Variants in PCDHA10 observed in about 807,000 individuals in gnomAD.
PCDHA10 encodes protocadherin alpha-10.
A neutral mutation model predicts 61.2 loss-of-function variants in PCDHA10; 45 were observed. The observed-to-expected ratio is 0.74, with a 90% CI of 0.58 to 0.94. The LOEUF is 0.94. PCDHA10 is among the 40% of genes least tolerant of loss of function. The pLI, the probability that PCDHA10 is intolerant of heterozygous loss-of-function variation, is 0.00. For missense variants in PCDHA10, 1,278 were observed against 1,236.2 expected (o/e 1.03, Z -0.51); for synonymous variants, 602 against 548.8 (o/e 1.10, Z -1.35).
chr5:140,932,952 T>G (rs2088746376), intron 1 of PCDHA10, among the ~76,000 whole-genome samples: 1 of 152,008 alleles, frequency 6.6e-6, no homozygotes, highest in Non-Finnish European at 1.5e-5. Flanking sequence ...GAAGGTGGAC[T>G]AAATTGCTGA....
chr5:140,952,371 C>T (rs186648472), intron 1 of PCDHA10, among the ~76,000 whole-genome samples: 1 of 151,860 alleles, frequency 6.6e-6, no homozygotes, highest in African/African-American at 2.4e-5. Flanking sequence ...AAGAAATTTC[C>T]TCTGCCAGGT....
At chr5:140,931,947 T>C (rs782000891) in intron 1 of PCDHA10, among the ~76,000 whole-genome samples, 1 of 151,972 alleles carries the variant, frequency 6.6e-6, no homozygotes, top group Non-Finnish European at 1.5e-5. Context: ...GTCTGAGTCT[T>C]ACAGAATCAT....
chr5:140,908,442 T>A (rs2073975632), intron 1 of PCDHA10, among the ~76,000 whole-genome samples: 1 of 152,160 alleles, frequency 6.6e-6, no homozygotes, highest in Non-Finnish European at 1.5e-5. Flanking sequence ...CACCCCACTT[T>A]ATGGCTAGAT....
At chr5:140,941,209 T>TCC (rs59604197) in intron 1 of PCDHA10, among the ~76,000 whole-genome samples, 12 of 126,888 alleles carry the variant, frequency 9.5e-5, no homozygotes, top group Admixed American at 4.0e-4. Flanking sequence ...CTTCCTTTCT[T>TCC]TCTTCCTTTC....
At chr5:140,920,323 T>C (rs1448405138) in intron 1 of PCDHA10, among the ~76,000 whole-genome samples, 3 of 152,212 alleles carry the variant, frequency 2.0e-5, no homozygotes, top group Non-Finnish European at 4.4e-5. Context: ...AAATTATATA[T>C]TTATGGCATT....
chr5:140,930,768 C>G (rs1049798577), intron 1 of PCDHA10, among the ~76,000 whole-genome samples: 2 of 152,094 alleles, frequency 1.3e-5, no homozygotes, highest in South Asian at 2.1e-4. Context: ...ATTTTCTGTA[C>G]TTAATATTTT....
At chr5:140,995,203 T>G (rs2097669345) in intron 3 of PCDHA10, among the ~76,000 whole-genome samples, 2 of 152,180 alleles carry the variant, frequency 1.3e-5, no homozygotes, top group African/African-American at 2.4e-5. Flanking sequence ...ATTTATAAAT[T>G]AGGCACAATA....
At chr5:140,924,895 AAAAAAAAAAAT>A (rs1321698386) in intron 1 of PCDHA10, among the ~76,000 whole-genome samples, 1,704 of 132,168 alleles carry the variant, frequency 0.013, 31 homozygotes, top group African/African-American at 0.056. Flanking sequence ...AACCTGTCTC[AAAAAAAAAAAT>A]AAAATAAAAT....
intron 1 of PCDHA10, chr5:140,861,034 G>A (rs1262696550): frequency 1.3e-5 from 2 of 152,270 alleles, no homozygotes; most frequent in Admixed American, 6.5e-5. Context: ...CGGCCGAAAG[G>A]TATTTTTTTT....
chr5:140,898,653 G>A (rs1321472129), intron 1 of PCDHA10, among the ~76,000 whole-genome samples: 1 of 152,202 alleles, frequency 6.6e-6, no homozygotes, highest in Non-Finnish European at 1.5e-5. Context: ...TTTTGGCTTA[G>A]GATTGACTTG....
chr5:140,928,989 A>T (rs1554206541), intron 1 of PCDHA10: 1 of 1,613,824 alleles, frequency 6.2e-7, no homozygotes, highest in Non-Finnish European at 8.5e-7. Context: ...TGGGGTGCTT[A>T]CTTTTCTTCG....
At chr5:140,860,793 A>G (rs1012928413) in intron 1 of PCDHA10, 3 of 152,166 alleles carry the variant, frequency 2.0e-5, no homozygotes, top group Non-Finnish European at 4.4e-5. Context: ...GCTGGAGTGC[A>G]GTGGCACGAT....
intron 1 of PCDHA10, chr5:140,884,453 G>A (rs2060182161): frequency 2.5e-6 from 4 of 1,613,658 alleles, no homozygotes; most frequent in Admixed American, 1.7e-5. Flanking sequence ...ACCGCCCACC[G>A]AGGGCGCGTG....
At chr5:140,949,721 A>G (rs1466646683) in intron 1 of PCDHA10, among the ~76,000 whole-genome samples, 1 of 151,690 alleles carries the variant, frequency 6.6e-6, no homozygotes, top group East Asian at 1.9e-4. Context: ...CATTTTGATA[A>G]TATCTGCTTT....
At position 141,012,270 on chromosome 5, in the gene PCDHA10, G is replaced by A. The variant is rs782033901; in HGVS notation, c.*2333G>A. On this transcript the variant is annotated 3_prime_UTR_variant, in exon 4 of 4. Coordinates refer to ENST00000307360, the MANE Select transcript of PCDHA10 (RefSeq NM_018901.4). ...TATTACAGCTGTAAGGATAAAACAC[G>A]TCATGTGGATTCATTTTGAATTGGT... is the stretch of plus-strand genomic sequence containing the variant. 4 of 153,734 alleles carry A rather than the reference G, an allele frequency of 2.6e-5. No individual in the cohort carries two copies. The highest frequency in any genetic ancestry group is 5.9e-5 in the Non-Finnish European group (4 of 68,028). 9.5% of individuals were successfully genotyped at this position (153,734 alleles called of 1,614,324 possible).
At chr5:140,874,008 T>C (rs2054633118) in intron 1 of PCDHA10, among the ~76,000 whole-genome samples, 5 of 152,208 alleles carry the variant, frequency 3.3e-5, no homozygotes. Context: ...CATTGACCAC[T>C]TTTGAAAATG....
intron 2 of PCDHA10, among the ~76,000 whole-genome samples, chr5:140,981,838 C>T (rs916108739): frequency 3.9e-5 from 6 of 152,086 alleles, no homozygotes; most frequent in Admixed American, 6.6e-5. Context: ...AAAGGTCTCC[C>T]AGTTTGTATC....
In PCDHA10 at chr5:141,000,054, A is replaced by G. The variant is rs189634054; in HGVS notation, c.2537-9573A>G. On this transcript the variant is annotated intron_variant, in intron 3 of 3. Coordinates refer to ENST00000307360, the MANE Select transcript of PCDHA10 (RefSeq NM_018901.4). ...CCAATCACACACACACCACTCTCCC[A>G]GCTGCTCTGTAGATCACAATGCTAG... Among the ~76,000 whole-genome samples the G allele has an allele frequency of 4.0e-3, 609 of 152,230 alleles. 3 individuals carry two copies. Among genetic ancestry groups the G allele is most frequent in the African/African-American group, 0.014 (564 of 41,556 alleles).
chr5:140,927,192 G>T, intron 1 of PCDHA10: 4 of 1,614,154 alleles, frequency 2.5e-6, no homozygotes, highest in Non-Finnish European at 3.4e-6. Flanking sequence ...ACGACCTGGT[G>T]CTCGAGGACC....
Sources: gnomAD v4.1 joint callset for allele counts (sites outside exome capture counted in the v4.1 genomes callset) on GRCh38, gnomAD v4.1.1 for gene constraint, MANE v1.5 for transcripts, NCBI Gene and HGNC (gene_info 2026-07-23, HGNC 2026-07-21) for gene names.